BRWD1: variants seen among roughly 807,000 people sequenced by gnomAD.
BRWD1 encodes bromodomain and WD repeat domain containing 1.
In BRWD1, 82 loss-of-function variants were observed where a neutral mutation model predicts 251.2. That is an observed-to-expected ratio of 0.33 (90% CI 0.27 to 0.39). The LOEUF is 0.39. BRWD1 is among the 10% of genes least tolerant of loss of function. The probability of loss-of-function intolerance (pLI) is 1.00; values close to 1 mark genes in which losing one functional copy is unlikely to be tolerated. For synonymous variants in BRWD1, 918 were observed against 902.8 expected, an observed-to-expected ratio of 1.02 and a Z score of -0.30; for missense variants, 2,233 against 2,711.6, an observed-to-expected ratio of 0.82 and a Z score of 3.92.
chr21:39,273,755 T>C (rs1255620343), intron 13 of BRWD1, among the ~76,000 whole-genome samples: 1 of 151,696 alleles, frequency 6.6e-6, no homozygotes, highest in African/African-American at 2.4e-5. Context: ...CCCTAAACCA[T>C]TTTTTTTAAA....
At chr21:39,290,175 T>C (rs1449494269) in intron 8 of BRWD1, among the ~76,000 whole-genome samples, 3 of 151,988 alleles carry the variant, frequency 2.0e-5, no homozygotes, top group Admixed American at 6.6e-5. Flanking sequence ...GTTTCATCAG[T>C]TGTGTTCAGA....
At chr21:39,232,523 T>C (rs1019528303) in intron 23 of BRWD1, 25 bp from the exon 24 acceptor site, 34 of 1,578,462 alleles carry the variant, frequency 2.2e-5, no homozygotes, top group Non-Finnish European at 2.9e-5. Flanking sequence ...AGAACAAAGT[T>C]TCTTAGATTA....
intron 8 of BRWD1, among the ~76,000 whole-genome samples, 180 bp downstream of exon 8, chr21:39,293,631 G>A (rs2035876528): frequency 6.6e-6 from 1 of 152,088 alleles, no homozygotes. Flanking sequence ...ATGTAAATAT[G>A]CATTAGATCT....
At position 39,190,256 on chromosome 21, in the gene BRWD1, A is replaced by G. The variant is rs1320739044; in HGVS notation, c.*6003T>C. On this transcript the variant is annotated 3_prime_UTR_variant, in exon 41 of 41. Transcript: ENST00000342449. ...TTTTTTTTAATTTTTAAGCTACCTTATTTACAGATTCTGCACAATATTTCA... is the reference window on the plus strand; with the variant it reads ...TTTTTTTTAATTTTTAAGCTACCTTGTTTACAGATTCTGCACAATATTTCA... 2 of 982,120 alleles carry G rather than the reference A, an allele frequency of 2.0e-6. No individual in the cohort carries two copies. The highest frequency in any genetic ancestry group is 1.8e-5 in the African/African-American group (1 of 57,016). 60.8% of individuals were successfully genotyped at this position (982,120 alleles called of 1,614,324 possible).
chr21:39,298,971 C>G (rs942602545), intron 4 of BRWD1, among the ~76,000 whole-genome samples: 2 of 152,190 alleles, frequency 1.3e-5, no homozygotes, highest in East Asian at 1.9e-4. Context: ...CACCTGTAAT[C>G]TCAGCACTTT....
At chr21:39,289,848 C>T (rs2035753831) in intron 8 of BRWD1, among the ~76,000 whole-genome samples, 1 of 151,558 alleles carries the variant, frequency 6.6e-6, no homozygotes. Context: ...CACGGTGAAA[C>T]CTCGTCTCTA....
intron 17 of BRWD1, among the ~76,000 whole-genome samples, chr21:39,262,736 A>C (rs923370815): frequency 1.3e-5 from 2 of 152,110 alleles, no homozygotes; most frequent in African/African-American, 4.8e-5. Context: ...CTTTGTATAT[A>C]AAACCCTCTT....
intron 21 of BRWD1, among the ~76,000 whole-genome samples, chr21:39,241,665 T>C (rs769632388): frequency 6.6e-6 from 1 of 152,102 alleles, no homozygotes; most frequent in African/African-American, 2.4e-5. Flanking sequence ...GCATATAATA[T>C]GTATACACAG....
rs560836572 is a variant in BRWD1 at position 39,275,570 on chromosome 21, T to C, written c.1145+603A>G. On this transcript the variant is annotated intron_variant, in intron 12 of 40. Transcript: ENST00000342449. Reference sequence around the variant, plus strand: ...AAGTGACAGTTAATTATATATTATTTCAAAATTTCTGAGTAGATTTCAGAT... The same window carrying C: ...AAGTGACAGTTAATTATATATTATTCCAAAATTTCTGAGTAGATTTCAGAT... Among the ~76,000 whole-genome samples, 58 of 152,188 alleles carry C rather than the reference T, an allele frequency of 3.8e-4. 1 individual carries two copies. The highest frequency in any genetic ancestry group is 1.3e-4 in the Admixed American group (2 of 15,268).
chr21:39,240,511 C>G (rs2033951539), intron 21 of BRWD1, among the ~76,000 whole-genome samples: 1 of 152,060 alleles, frequency 6.6e-6, no homozygotes, highest in Admixed American at 6.6e-5. Context: ...AAGAAAAAAT[C>G]AAATAAATAT....
intron 1 of BRWD1, 37 bp from the exon 2 acceptor site, chr21:39,313,336 G>A: frequency 6.6e-7 from 1 of 1,512,560 alleles, no homozygotes; most frequent in Non-Finnish European, 8.9e-7. Context: ...AGCCCCGGCG[G>A]GGAGGGGAGG....
rs764762840 is a variant in BRWD1 at position 39,229,295 on chromosome 21, T to TA, written c.3125+16dup. ...AATTTAAATTTAAGTAATTCCATTT[T>TA]AAAAAATAATACATACCTAATAGAG... is the stretch of plus-strand genomic sequence containing the variant. On this transcript the variant is annotated intron_variant, in intron 26 of 40. Transcript: ENST00000342449. 1 of 1,562,390 alleles carries TA rather than the reference T, an allele frequency of 6.4e-7. No homozygotes were observed. Among genetic ancestry groups the TA allele is most frequent in the Non-Finnish European group, 8.7e-7 (1 of 1,143,508 alleles).
At chr21:39,228,207 G>T (rs1306152478) in intron 27 of BRWD1, among the ~76,000 whole-genome samples, 1 of 152,142 alleles carries the variant, frequency 6.6e-6, no homozygotes, top group Admixed American at 6.5e-5. Flanking sequence ...AGAATCGCTT[G>T]AACTTTGGAG....
At chr21:39,267,491 T>G (rs979973786) in intron 15 of BRWD1, among the ~76,000 whole-genome samples, 3 of 151,978 alleles carry the variant, frequency 2.0e-5, no homozygotes, top group Admixed American at 6.6e-5. Flanking sequence ...CCCAGCTACT[T>G]GAGAGGCTGA....
At chr21:39,252,716 C>T (rs1006624728) in intron 19 of BRWD1, among the ~76,000 whole-genome samples, 1 of 152,284 alleles carries the variant, frequency 6.6e-6, no homozygotes, top group Admixed American at 6.5e-5. Flanking sequence ...CTTAGAAACA[C>T]AATACCAATT....
chr21:39,236,815 G>A, intron 22 of BRWD1, 31 bp from the exon 23 acceptor site: 4 of 1,583,554 alleles, frequency 2.5e-6, no homozygotes, highest in Middle Eastern at 1.7e-4. Context: ...CAGTTGAATG[G>A]AGCCAGAATA....
chr21:39,272,160 C>T (rs190311787), intron 13 of BRWD1, among the ~76,000 whole-genome samples: 186 of 151,384 alleles, frequency 1.2e-3, no homozygotes, highest in African/African-American at 4.2e-3. Context: ...GGAGGCCGGG[C>T]GCGGTGGCTC....
Position 39,280,198 on chromosome 21 carries a change from A to T in BRWD1, c.882T>A (p.Ala294=). Residue 294 remains alanine, a synonymous_variant, in exon 9 of 41, where the codon GCT becomes GCA. Coordinates refer to ENST00000342449, the MANE Select transcript of BRWD1 (RefSeq NM_033656.4). ...GSQRYMVSTG[A]DGTVCFWQWD... is the part of the protein sequence containing the mutation. ...ATTGCCAAAAGCAAACTGTCCCATC[A>T]GCACCAGTGGAAACCATGTATCTTT... The T allele has an allele frequency of 6.2e-7, 1 of 1,609,520 alleles. No homozygotes were observed. Among genetic ancestry groups the T allele is most frequent in the Non-Finnish European group, 8.5e-7 (1 of 1,178,654 alleles).
Position 39,187,123 on chromosome 21 carries a change from G to A in BRWD1, c.*9136C>T, listed in dbSNP as rs1568841888. 1.2e-6 allele frequency: 2 copies of A among 1,612,124 alleles called. No individual in the cohort carries two copies. The highest frequency in any genetic ancestry group is 1.7e-6 in the Non-Finnish European group (2 of 1,179,442). On this transcript the variant is annotated 3_prime_UTR_variant, in exon 41 of 41. Coordinates refer to ENST00000342449, the MANE Select transcript of BRWD1 (RefSeq NM_033656.4). ...TTTTTCACTTTCAGAATTTATGGTT[G>A]TATCATCCTCTTTATAAACATTCAG... is the stretch of plus-strand genomic sequence containing the variant.
Sources: allele counts gnomAD v4.1 joint callset (sites outside exome capture counted in the v4.1 genomes callset), GRCh38; gene constraint gnomAD v4.1.1; transcripts MANE v1.5; gene names NCBI Gene and HGNC (gene_info 2026-07-23, HGNC 2026-07-21).